The following MKLN1 variants were observed in gnomAD, a reference collection of about 807,000 sequenced individuals.
The protein encoded by MKLN1 is muskelin.
A neutral mutation model predicts 99.0 loss-of-function variants in MKLN1; 18 were observed. That is an observed-to-expected ratio of 0.18 (90% CI 0.13 to 0.27). The LOEUF (loss-of-function observed/expected upper bound fraction) is 0.27. Among genes scored for constraint, MKLN1 ranks in the 10% least tolerant of loss-of-function variants. The probability of loss-of-function intolerance (pLI) is 1.00; values close to 1 mark genes in which losing one functional copy is unlikely to be tolerated. For missense variants in MKLN1, 621 were observed against 875.9 expected (o/e 0.71, Z 3.67); for synonymous variants, 288 against 293.2 (o/e 0.98, Z 0.18).
chr7:131,234,705 C>T (rs1290108709), intron 3 of MKLN1, among the ~76,000 whole-genome samples: 1 of 152,208 alleles, frequency 6.6e-6, no homozygotes, highest in Admixed American at 6.5e-5. Flanking sequence ...CTCTTCTGTA[C>T]TGAAGAATTT....
At chr7:131,307,135 A>C (rs1000900078) in intron 3 of MKLN1, among the ~76,000 whole-genome samples, 4 of 151,724 alleles carry the variant, frequency 2.6e-5, no homozygotes, top group African/African-American at 9.7e-5. Context: ...GTTGCTCCAG[A>C]GTGTGCTGCC....
At chr7:131,153,030 T>C (rs191508472) in intron 2 of MKLN1, among the ~76,000 whole-genome samples, 4,010 of 142,826 alleles carry the variant, frequency 0.028, 51 homozygotes, top group South Asian at 0.075. Context: ...TATATATATA[T>C]ATATTTTTTT....
At chr7:131,146,446 C>T (rs746977275) in intron 2 of MKLN1, among the ~76,000 whole-genome samples, 6 of 152,118 alleles carry the variant, frequency 3.9e-5, no homozygotes, top group Admixed American at 2.6e-4. Flanking sequence ...ATAATCAAAC[C>T]GAGGAGTTTA....
chr7:131,432,297 A>G (rs2116446279), intron 9 of MKLN1, among the ~76,000 whole-genome samples: 1 of 152,320 alleles, frequency 6.6e-6, no homozygotes, highest in African/African-American at 2.4e-5. Flanking sequence ...ATTCTTCTAA[A>G]GCTTGGTATG....
At chr7:131,376,081 G>A in intron 2 of MKLN1, among the ~76,000 whole-genome samples, 1 of 127,588 alleles carries the variant, frequency 7.8e-6, no homozygotes, top group Non-Finnish European at 1.6e-5. Context: ...TTTAATTGTA[G>A]TATAATTCAT....
At chr7:131,382,332 T>C (rs1396230915) in intron 2 of MKLN1, among the ~76,000 whole-genome samples, 1 of 151,812 alleles carries the variant, frequency 6.6e-6, no homozygotes, top group Non-Finnish European at 1.5e-5. Context: ...GCCACTGCAC[T>C]CCAGCCAGGG....
At chr7:131,375,059 A>C (rs1471134839) in intron 1 of MKLN1, among the ~76,000 whole-genome samples, 1 of 151,800 alleles carries the variant, frequency 6.6e-6, no homozygotes, top group African/African-American at 2.4e-5. Context: ...GTCTTCCTCC[A>C]AGTAGCTGAG....
intron 3 of MKLN1, among the ~76,000 whole-genome samples, chr7:131,218,425 C>T (rs1289336314): frequency 6.6e-6 from 1 of 152,062 alleles, no homozygotes; most frequent in Non-Finnish European, 1.5e-5. Context: ...GGTTTTGGTC[C>T]CTGAGCAAGT....
chr7:131,126,027 T>C (rs1319292513), intron 1 of MKLN1, among the ~76,000 whole-genome samples: 1 of 4,482 alleles, frequency 2.2e-4, no homozygotes, highest in Non-Finnish European at 1.3e-3. Flanking sequence ...AAGATAAATA[T>C]AAATAAATAA....
intron 3 of MKLN1, among the ~76,000 whole-genome samples, chr7:131,250,944 T>G (rs1272270617): frequency 4.6e-5 from 7 of 152,160 alleles, no homozygotes; most frequent in Non-Finnish European, 4.4e-5. Context: ...TAATTTTTTT[T>G]TTTGTTTGCC....
intron 2 of MKLN1, among the ~76,000 whole-genome samples, chr7:131,385,850 T>G (rs1422068784): frequency 6.6e-6 from 1 of 152,154 alleles, no homozygotes; most frequent in Non-Finnish European, 1.5e-5. Context: ...TAGTATCCTT[T>G]GATACTAAAA....
At chr7:131,292,411 T>G (rs1021922640) in intron 3 of MKLN1, among the ~76,000 whole-genome samples, 2 of 152,214 alleles carry the variant, frequency 1.3e-5, no homozygotes, top group Non-Finnish European at 2.9e-5. Context: ...GCTCGAATCA[T>G]GTCCCCCCAA....
intron 3 of MKLN1, among the ~76,000 whole-genome samples, chr7:131,293,062 C>T (rs1798244896): frequency 6.6e-6 from 1 of 152,168 alleles, no homozygotes; most frequent in Non-Finnish European, 1.5e-5. Context: ...TTGCTTTTGC[C>T]AACATAATGC....
chr7:131,453,832 C>A (rs1467497090), intron 12 of MKLN1, among the ~76,000 whole-genome samples: 2 of 151,998 alleles, frequency 1.3e-5, no homozygotes, highest in African/African-American at 4.8e-5. Flanking sequence ...ACAAAAGGCT[C>A]TTATAAACCA....
Position 131,267,162 on chromosome 7 carries a change from A to T in MKLN1, c.-179+64188A>T, listed in dbSNP as rs544623546. 4.6e-5 allele frequency among the ~76,000 whole-genome samples: 7 copies of T among 151,868 alleles called. 1 individual carries two copies. The South Asian group carries it at 1.5e-3, about 32-fold the overall frequency. Reference sequence around the variant, plus strand: ...AGCTTGGCCAACATGGTGAAACCCCATCTCTACTAAAATTACAAAAATTAG... The same window carrying T: ...AGCTTGGCCAACATGGTGAAACCCCTTCTCTACTAAAATTACAAAAATTAG... On this transcript the variant is annotated intron_variant, in intron 3 of 7. Transcript: ENST00000416992.
At chr7:131,144,807 G>A (rs956689443) in intron 2 of MKLN1, among the ~76,000 whole-genome samples, 15 of 152,048 alleles carry the variant, frequency 9.9e-5, no homozygotes, top group African/African-American at 3.1e-4. Context: ...GAGAAACCCC[G>A]TGTCTACTAA....
intron 2 of MKLN1, among the ~76,000 whole-genome samples, chr7:131,150,353 G>A (rs918519415): frequency 6.6e-6 from 1 of 152,100 alleles, no homozygotes; most frequent in Non-Finnish European, 1.5e-5. Context: ...TGGGCATGGT[G>A]GTATGCACCT....
chr7:131,294,549 G>A (rs1016419079), intron 3 of MKLN1, among the ~76,000 whole-genome samples: 12 of 152,118 alleles, frequency 7.9e-5, no homozygotes, highest in African/African-American at 2.2e-4. Context: ...ATAGAAGGAG[G>A]AGGCTTGTTT....
At chr7:131,135,904 A>G (rs1002973969) in intron 1 of MKLN1, among the ~76,000 whole-genome samples, 5 of 152,188 alleles carry the variant, frequency 3.3e-5, no homozygotes. Flanking sequence ...AAATAGATAA[A>G]TGAGTTATTC....
Sources: gnomAD v4.1 joint callset for allele counts (sites outside exome capture counted in the v4.1 genomes callset) on GRCh38, gnomAD v4.1.1 for gene constraint, MANE v1.5 for transcripts, NCBI Gene and HGNC (gene_info 2026-07-23, HGNC 2026-07-21) for gene names.